Variants in SAMD12 observed in about 807,000 individuals in gnomAD.
The protein encoded by SAMD12 is sterile alpha motif domain containing 12, also known as sterile alpha motif domain-containing protein 12.
In SAMD12, 9 loss-of-function variants were observed where a neutral mutation model predicts 15.0. The observed-to-expected ratio is 0.60, with a 90% confidence interval of 0.36 to 1.05. The LOEUF (loss-of-function observed/expected upper bound fraction) is 1.05. SAMD12 is among the 50% of genes least tolerant of loss of function. The pLI is 0.01. For synonymous variants in SAMD12, 86 were observed against 90.1 expected (o/e 0.96, Z 0.25); for missense variants, 230 against 234.2 (o/e 0.98, Z 0.12).
intron 4 of SAMD12, among the ~76,000 whole-genome samples, chr8:118,287,619 T>G (rs1372293770): frequency 1.3e-5 from 2 of 152,194 alleles, no homozygotes; most frequent in African/African-American, 2.4e-5. Context: ...TTTACTCACC[T>G]GTATAACTCA....
At chr8:118,292,341 A>AACACAC in intron 4 of SAMD12, among the ~76,000 whole-genome samples, 1 of 50,676 alleles carries the variant, frequency 2.0e-5, no homozygotes, top group African/African-American at 5.6e-5. Context: ...CAAAACTGCA[A>AACACAC]ACACACAGAC....
At chr8:118,594,020 C>T (rs1345932774) in intron 1 of SAMD12, among the ~76,000 whole-genome samples, 3 of 152,182 alleles carry the variant, frequency 2.0e-5, no homozygotes, top group African/African-American at 7.2e-5. Flanking sequence ...CTGTCCCCCA[C>T]ACTGATTGCT....
At chr8:118,369,480 C>A (rs777645569) in intron 4 of SAMD12, among the ~76,000 whole-genome samples, 19 of 152,132 alleles carry the variant, frequency 1.2e-4, no homozygotes, top group Admixed American at 1.3e-4. Context: ...CTTTGGGAAG[C>A]TGAGGCTGGT....
intron 4 of SAMD12, among the ~76,000 whole-genome samples, chr8:118,219,022 G>T (rs1446294016): frequency 1.3e-5 from 2 of 152,176 alleles, no homozygotes; most frequent in African/African-American, 4.8e-5. Context: ...CAATAGGCTG[G>T]AGCTGAGCAA....
chr8:118,159,823 G>A, the SAMD12 span, among the ~76,000 whole-genome samples: 5 of 150,844 alleles, frequency 3.3e-5, no homozygotes, highest in East Asian at 2.0e-4. Flanking sequence ...GGGTTCAAGC[G>A]ATTCTCCTGC....
At chr8:118,401,541 C>CTT (rs3884378) in intron 3 of SAMD12, among the ~76,000 whole-genome samples, 55,026 of 140,026 alleles carry the variant, frequency 0.39, 11,009 homozygotes, top group Non-Finnish European at 0.44. Flanking sequence ...CCTTCTTCTT[C>CTT]TTTTTTTTTT....
intron 4 of SAMD12, among the ~76,000 whole-genome samples, chr8:118,219,469 G>T (rs1812036175): frequency 6.6e-6 from 1 of 152,162 alleles, no homozygotes; most frequent in Non-Finnish European, 1.5e-5. Flanking sequence ...GAACACCCTT[G>T]GGTGGATTAA....
downstream of SAMD12, among the ~76,000 whole-genome samples, chr8:118,377,008 C>T (rs2130701924): frequency 6.6e-6 from 1 of 152,074 alleles, no homozygotes; most frequent in South Asian, 2.1e-4. Flanking sequence ...AACATAAAAA[C>T]AACTTATCAA....
At chr8:118,374,878 T>C (rs1273347652), downstream of SAMD12, among the ~76,000 whole-genome samples, 1 of 151,340 alleles carries the variant, frequency 6.6e-6, no homozygotes, top group Non-Finnish European at 1.5e-5. Context: ...TTCTGGATAT[T>C]AACCCCTTTT....
At chr8:118,369,997 A>G (rs555714452) in intron 4 of SAMD12, among the ~76,000 whole-genome samples, 2 of 152,266 alleles carry the variant, frequency 1.3e-5, no homozygotes, top group South Asian at 2.1e-4. Flanking sequence ...AATGGGAGAA[A>G]TTTTTTCCGA....
chr8:118,493,722 C>T (rs1824517729), intron 2 of SAMD12, among the ~76,000 whole-genome samples: 1 of 152,156 alleles, frequency 6.6e-6, no homozygotes, highest in Non-Finnish European at 1.5e-5. Context: ...TTGAAGGTCA[C>T]ATAACCTGAA....
intron 4 of SAMD12, among the ~76,000 whole-genome samples, chr8:118,296,989 C>T (rs920791517): frequency 9.2e-5 from 14 of 152,226 alleles, no homozygotes; most frequent in Admixed American, 8.5e-4. Context: ...AATCTTGATC[C>T]GATTTCTAAG....
intron 4 of SAMD12, among the ~76,000 whole-genome samples, chr8:118,207,674 TAAGTG>T (rs1563695050): frequency 2.0e-5 from 3 of 152,236 alleles, no homozygotes; most frequent in African/African-American, 7.2e-5. Flanking sequence ...ACTGTATGAA[TAAGTG>T]AAGTTCCTTT....
chr8:118,599,292 T>G (rs1203012686), intron 1 of SAMD12, among the ~76,000 whole-genome samples: 2 of 152,196 alleles, frequency 1.3e-5, no homozygotes, highest in Admixed American at 6.5e-5. Context: ...CCCCTCGTCC[T>G]CTCTGCACTA....
At chr8:118,168,870 A>G in the SAMD12 span, among the ~76,000 whole-genome samples, 2 of 152,232 alleles carry the variant, frequency 1.3e-5, no homozygotes, top group Non-Finnish European at 2.9e-5. Flanking sequence ...TATATCCAAG[A>G]ATAAACCCAT....
At chr8:118,318,323 T>TATATATATATATATAC in intron 4 of SAMD12, among the ~76,000 whole-genome samples, 1 of 14,218 alleles carries the variant, frequency 7.0e-5, no homozygotes, top group African/African-American at 1.5e-4. Context: ...TATATATATA[T>TATATATATATATATAC]ATATATATAT....
chr8:118,289,154 T>A (rs1366062316), intron 4 of SAMD12, among the ~76,000 whole-genome samples: 6 of 152,192 alleles, frequency 3.9e-5, no homozygotes, highest in Non-Finnish European at 8.8e-5. Context: ...AAGACAGTCA[T>A]CTCAGCAGTT....
intron 2 of SAMD12, among the ~76,000 whole-genome samples, chr8:118,496,904 T>C (rs954860742): frequency 1.4e-5 from 2 of 147,856 alleles, no homozygotes; most frequent in Non-Finnish European, 3.0e-5. Context: ...ATTAAAAAAA[T>C]GGGCAGAGGA....
At chr8:118,407,560 G>A (rs529470436) in intron 3 of SAMD12, among the ~76,000 whole-genome samples, 2 of 152,258 alleles carry the variant, frequency 1.3e-5, no homozygotes, top group South Asian at 4.2e-4. Flanking sequence ...ATTAAGCTAG[G>A]AAGAACTATG....
Sources: allele counts gnomAD v4.1 joint callset (sites outside exome capture counted in the v4.1 genomes callset), GRCh38; gene constraint gnomAD v4.1.1; transcripts MANE v1.5; gene names NCBI Gene and HGNC (gene_info 2026-07-23, HGNC 2026-07-21).